The following EXT1 variants were observed in gnomAD, a reference collection of about 807,000 sequenced individuals.
EXT1 encodes the protein exostosin glycosyltransferase 1.
In EXT1, 20 loss-of-function variants were observed where a neutral mutation model predicts 82.5. The observed-to-expected ratio is 0.24, with a 90% CI of 0.17 to 0.35. The LOEUF (loss-of-function observed/expected upper bound fraction) is 0.35, where lower values mean the gene tolerates loss of function less well. EXT1 is among the 10% of genes least tolerant of loss of function. The pLI is 1.00. For synonymous variants in EXT1, 348 were observed against 350.8 expected (o/e 0.99, Z 0.09); for missense variants, 757 against 936.5 (o/e 0.81, Z 2.50).
At chr8:117,936,219 C>T (rs1814159185) in intron 1 of EXT1, among the ~76,000 whole-genome samples, 1 of 152,208 alleles carries the variant, frequency 6.6e-6, no homozygotes, top group South Asian at 2.1e-4. Flanking sequence ...AATTTCCCTG[C>T]CTGTCTTCTG....
intron 1 of EXT1, among the ~76,000 whole-genome samples, chr8:117,945,792 C>T (rs931647304): frequency 3.3e-5 from 5 of 152,126 alleles, no homozygotes; most frequent in East Asian, 1.9e-4. Context: ...TGAGCCACCA[C>T]GCCTGGTCTG....
rs564497765 is a variant in EXT1 at position 117,811,201 on chromosome 8, G to A, written c.1722+1671C>T. Among the ~76,000 whole-genome samples the A allele has an allele frequency of 1.1e-3, 164 of 152,282 alleles. 1 individual carries two copies. Among genetic ancestry groups the A allele is most frequent in the African/African-American group, 3.5e-3 (144 of 41,550 alleles). ...TCAGATGGATATAGCCTGGAACTGT[G>A]TAACTGAAGTACCTGGCATGGAGAC... is the stretch of plus-strand genomic sequence containing the variant. On this transcript the variant is annotated intron_variant, in intron 8 of 10. Coordinates refer to ENST00000378204, the MANE Select transcript of EXT1 (RefSeq NM_000127.3).
intron 1 of EXT1, among the ~76,000 whole-genome samples, chr8:117,961,856 T>C (rs1333729176): frequency 2.0e-5 from 3 of 152,136 alleles, no homozygotes; most frequent in South Asian, 4.2e-4. Context: ...CCTTTCATGG[T>C]CGCCTTGCAT....
At chr8:118,099,632 G>C (rs932253889) in intron 1 of EXT1, among the ~76,000 whole-genome samples, 2 of 152,192 alleles carry the variant, frequency 1.3e-5, no homozygotes, top group Non-Finnish European at 2.9e-5. Context: ...TATGCTCTTA[G>C]GCAAACCACT....
chr8:117,958,079 A>C (rs766837590), intron 1 of EXT1, among the ~76,000 whole-genome samples: 1 of 151,888 alleles, frequency 6.6e-6, no homozygotes, highest in Non-Finnish European at 1.5e-5. Flanking sequence ...CCTTTAACAA[A>C]CTGAATACCC....
chr8:118,041,680 A>AGGAAGGAG (rs1249411926), intron 1 of EXT1, among the ~76,000 whole-genome samples: 1 of 147,460 alleles, frequency 6.8e-6, no homozygotes, highest in African/African-American at 2.5e-5. Flanking sequence ...GAAGGAAGGA[A>AGGAAGGAG]GGAAGGAAGG....
chr8:118,100,695 G>A (rs1817701656), intron 1 of EXT1, among the ~76,000 whole-genome samples: 1 of 151,942 alleles, frequency 6.6e-6, no homozygotes, highest in Non-Finnish European at 1.5e-5. Context: ...GCAGTGAGCT[G>A]AGATCGCGCC....
chr8:117,812,500 C>T (rs561872254), intron 8 of EXT1, among the ~76,000 whole-genome samples: 1 of 152,294 alleles, frequency 6.6e-6, no homozygotes, highest in African/African-American at 2.4e-5. Context: ...GGGATTATCT[C>T]CTCCGGAAAG....
chr8:118,097,793 A>C (rs1205724111), intron 1 of EXT1, among the ~76,000 whole-genome samples: 2 of 152,220 alleles, frequency 1.3e-5, no homozygotes, highest in African/African-American at 4.8e-5. Context: ...ATGAAAAACC[A>C]ACATGAATCC....
At chr8:117,933,243 T>C (rs1470697748) in intron 1 of EXT1, among the ~76,000 whole-genome samples, 3 of 151,568 alleles carry the variant, frequency 2.0e-5, no homozygotes, top group Admixed American at 6.6e-5. Flanking sequence ...GGTATTTTTT[T>C]TTTTTTTTTT....
intron 1 of EXT1, among the ~76,000 whole-genome samples, chr8:117,857,041 A>T (rs1812576722): frequency 6.6e-6 from 1 of 152,214 alleles, no homozygotes; most frequent in African/African-American, 2.4e-5. Flanking sequence ...AATAGATGGA[A>T]CAATAAAGCC....
chr8:117,799,801 T>A lies in EXT1; in HGVS notation c.2152A>T (p.Ile718Phe). 1 of 1,614,106 alleles carries A rather than the reference T, an allele frequency of 6.2e-7. No homozygotes were observed. ...FASWFGYMPL[I>F]HSQMRLDPVL... ...GGGTCGAGCCTCATCTGAGAGTGGA[T>A]CAGCGGCATGTAGCCAAACCAGCTG... Residue 718 changes from isoleucine (I) to phenylalanine (F), a missense_variant, in exon 11 of 11, where the codon ATC (isoleucine) becomes TTC (phenylalanine). Physicochemically the swap from Ile to Phe is conservative, Grantham distance 21 (BLOSUM62 0). Around this residue, in one of 4 missense-constraint regions of EXT1, gnomAD observed 128 missense variants for 223.2 expected, o/e 0.57. Transcript: ENST00000378204.
At chr8:117,858,797 AGGCAAGGCAAGGC>A (rs1812620992) in intron 1 of EXT1, among the ~76,000 whole-genome samples, 2 of 78,952 alleles carry the variant, frequency 2.5e-5, no homozygotes, top group African/African-American at 1.3e-4. Flanking sequence ...AGGCAAGGCA[AGGCAAGGCAAGGC>A]AGGAAGGAAG....
intron 1 of EXT1, among the ~76,000 whole-genome samples, chr8:118,049,797 G>A (rs1003747097): frequency 6.6e-6 from 1 of 152,090 alleles, no homozygotes; most frequent in African/African-American, 2.4e-5. Context: ...AACAAGAAGT[G>A]TGTTAATGGG....
intron 1 of EXT1, among the ~76,000 whole-genome samples, chr8:118,103,357 G>A (rs887218294): frequency 6.6e-6 from 1 of 152,106 alleles, no homozygotes; most frequent in African/African-American, 2.4e-5. Flanking sequence ...GTGTTACCCA[G>A]GCTAGTATGA....
chr8:118,098,693 A>G (rs1301874949), intron 1 of EXT1, among the ~76,000 whole-genome samples: 1 of 150,602 alleles, frequency 6.6e-6, no homozygotes, highest in Non-Finnish European at 1.5e-5. Context: ...CGGGAGGCGG[A>G]GCGTGCAGTG....
intron 1 of EXT1, among the ~76,000 whole-genome samples, chr8:118,041,844 A>G (rs1455265431): frequency 6.6e-6 from 1 of 151,530 alleles, no homozygotes; most frequent in African/African-American, 2.4e-5. Context: ...GCTACTTGGG[A>G]GGCTGAGGCT....
chr8:117,886,026 A>G (rs1047309711), intron 1 of EXT1, among the ~76,000 whole-genome samples: 23 of 152,216 alleles, frequency 1.5e-4, no homozygotes, highest in African/African-American at 5.5e-4. Flanking sequence ...GTGCAAGCCA[A>G]TTGTGTGACC....
At chr8:118,089,919 T>C (rs1309640321) in intron 1 of EXT1, among the ~76,000 whole-genome samples, 1 of 152,064 alleles carries the variant, frequency 6.6e-6, no homozygotes, top group Non-Finnish European at 1.5e-5. Flanking sequence ...AAAGAGTAGC[T>C]AAAAGGAAGA....
Sources: allele counts gnomAD v4.1 joint callset (sites outside exome capture counted in the v4.1 genomes callset), GRCh38; gene constraint gnomAD v4.1.1; regional missense constraint gnomAD v4.1.1; transcripts MANE v1.5; gene names NCBI Gene and HGNC (gene_info 2026-07-23, HGNC 2026-07-21).